Variants in PCDHA13 observed in about 807,000 individuals in gnomAD.
PCDHA13 encodes protocadherin alpha-13.
PCDHA13 carries 54 observed loss-of-function variants against 64.8 expected under a neutral mutation model. The observed-to-expected ratio is 0.83, with a 90% CI of 0.67 to 1.04. The LOEUF (loss-of-function observed/expected upper bound fraction) is 1.04, where lower values mean the gene tolerates loss of function less well. PCDHA13 is among the 50% of genes least tolerant of loss of function. The pLI is 0.00. For missense variants in PCDHA13, 1,248 were observed against 1,254.3 expected (o/e 0.99, Z 0.08); for synonymous variants, 587 against 564.4 (o/e 1.04, Z -0.57).
At chr5:140,914,596 C>G (rs1454753124) in intron 1 of PCDHA13, among the ~76,000 whole-genome samples, 1 of 152,128 alleles carries the variant, frequency 6.6e-6, no homozygotes, top group Non-Finnish European at 1.5e-5. Context: ...TAAGTAGGAA[C>G]TTCCTCCTGC....
At chr5:140,989,105 T>A (rs550881823) in intron 3 of PCDHA13, 1 of 152,350 alleles carries the variant, frequency 6.6e-6, no homozygotes, top group Non-Finnish European at 1.5e-5. Context: ...GAAACAACTT[T>A]TGAATATATC....
At chr5:140,920,616 C>A (rs929240808) in intron 1 of PCDHA13, among the ~76,000 whole-genome samples, 1 of 152,012 alleles carries the variant, frequency 6.6e-6, no homozygotes, top group African/African-American at 2.4e-5. Flanking sequence ...GAGGCCGAGG[C>A]GGATGGATCA....
intron 1 of PCDHA13, among the ~76,000 whole-genome samples, chr5:140,947,550 G>A (rs967081376): frequency 7.3e-5 from 11 of 151,402 alleles, no homozygotes; most frequent in Admixed American, 3.9e-4. Flanking sequence ...AAAGAATTCC[G>A]CTGGGATTTA....
intron 3 of PCDHA13, 60 bp from the exon 4 acceptor site, chr5:141,009,567 A>T: frequency 6.3e-7 from 1 of 1,575,430 alleles, no homozygotes; most frequent in Admixed American, 1.8e-5. Flanking sequence ...CTCTACCAGC[A>T]GTGTGGCATC....
intron 1 of PCDHA13, among the ~76,000 whole-genome samples, chr5:140,941,907 CT>C (rs1379926904): frequency 7.2e-5 from 11 of 152,106 alleles, no homozygotes; most frequent in African/African-American, 2.7e-4. Context: ...CATTGAAATG[CT>C]TTTATGTATA....
rs1554263423 is a variant in PCDHA13 at position 141,011,323 on chromosome 5, C to T, written c.*1386C>T. 1 of 153,686 alleles carries T rather than the reference C, an allele frequency of 6.5e-6. No individual in the cohort carries two copies. The highest frequency in any genetic ancestry group is 1.5e-5 in the Non-Finnish European group (1 of 68,036). The allele number at this position is 153,686 out of a possible 1,614,324, so 9.5% of individuals were successfully genotyped here. A position where few individuals can be genotyped will look rare whatever the true frequency, so the allele number is the denominator to read the frequency against. ...TCTGAATTGCTAATCTTACTAACACCTATGATGTTACCTGAAATCAATCTC... is the reference window on the plus strand; with the variant it reads ...TCTGAATTGCTAATCTTACTAACACTTATGATGTTACCTGAAATCAATCTC... On this transcript the variant is annotated 3_prime_UTR_variant, in exon 4 of 4. Transcript: ENST00000289272.
intron 1 of PCDHA13, chr5:140,966,973 G>C (rs782189736): frequency 6.2e-7 from 1 of 1,602,934 alleles, no homozygotes; most frequent in Non-Finnish European, 8.5e-7. Context: ...GGCTTGAGCT[G>C]CGGCGCTTGG....
intron 1 of PCDHA13, among the ~76,000 whole-genome samples, chr5:140,948,862 C>T (rs1419321480): frequency 6.6e-6 from 1 of 151,398 alleles, no homozygotes; most frequent in Admixed American, 6.6e-5. Context: ...TCTTATATTA[C>T]TTCGGGTTTA....
intron 1 of PCDHA13, among the ~76,000 whole-genome samples, chr5:140,919,139 C>T (rs1294020429): frequency 6.6e-6 from 1 of 152,120 alleles, no homozygotes; most frequent in Non-Finnish European, 1.5e-5. Context: ...TTTTGGGGCT[C>T]TATTATTAGA....
intron 1 of PCDHA13, among the ~76,000 whole-genome samples, chr5:140,938,890 C>T (rs979482011): frequency 5.9e-5 from 9 of 152,080 alleles, no homozygotes; most frequent in Non-Finnish European, 8.8e-5. Flanking sequence ...CACACACACA[C>T]AGATGCGCAC....
At chr5:140,968,236 T>C in intron 1 of PCDHA13, 1 of 1,614,006 alleles carries the variant, frequency 6.2e-7, no homozygotes, top group East Asian at 2.2e-5. Flanking sequence ...TGCTCTGTAC[T>C]GTGCAAGCCA....
intron 3 of PCDHA13, among the ~76,000 whole-genome samples, chr5:141,003,622 A>G (rs1554259173): frequency 6.6e-6 from 1 of 152,196 alleles, no homozygotes; most frequent in Non-Finnish European, 1.5e-5. Context: ...CCCAGAGGGC[A>G]GTTTTTAAAG....
At chr5:140,922,254 T>G (rs2080741873) in intron 1 of PCDHA13, among the ~76,000 whole-genome samples, 1 of 152,228 alleles carries the variant, frequency 6.6e-6, no homozygotes, top group East Asian at 1.9e-4. Context: ...GATAAGTTAC[T>G]AAGTGCCATG....
intron 1 of PCDHA13, among the ~76,000 whole-genome samples, chr5:140,959,063 A>G (rs190067147): frequency 2.0e-5 from 3 of 152,292 alleles, no homozygotes; most frequent in Admixed American, 2.0e-4. Flanking sequence ...TGCAGTATAT[A>G]TAGAATTCAG....
intron 1 of PCDHA13, among the ~76,000 whole-genome samples, chr5:140,898,545 C>CCG (rs2153461002): frequency 1.3e-5 from 2 of 152,322 alleles, no homozygotes; most frequent in East Asian, 3.9e-4. Context: ...TTCCATTTAT[C>CCG]TATGTCTCTG....
chr5:140,945,709 G>T (rs1033770128), intron 1 of PCDHA13, among the ~76,000 whole-genome samples: 1 of 151,930 alleles, frequency 6.6e-6, no homozygotes. Flanking sequence ...TGCAACAAAA[G>T]TATCAAGAAT....
At chr5:141,008,712 T>G (rs1554261909) in intron 3 of PCDHA13, among the ~76,000 whole-genome samples, 1 of 152,210 alleles carries the variant, frequency 6.6e-6, no homozygotes, top group Non-Finnish European at 1.5e-5. Flanking sequence ...TCTAGTTGCT[T>G]GAGTGTATGT....
intron 1 of PCDHA13, among the ~76,000 whole-genome samples, chr5:140,931,298 AAG>A (rs2087432571): frequency 6.6e-6 from 1 of 152,144 alleles, no homozygotes; most frequent in African/African-American, 2.4e-5. Context: ...CTGTAACAAA[AAG>A]AGAGGAGAAT....
intron 1 of PCDHA13, among the ~76,000 whole-genome samples, chr5:140,976,407 C>T (rs781867787): frequency 1.1e-4 from 17 of 151,868 alleles, no homozygotes; most frequent in Non-Finnish European, 2.1e-4. Flanking sequence ...AAAAATTAGC[C>T]AGGTACGGTG....
Sources: allele counts gnomAD v4.1 joint callset (sites outside exome capture counted in the v4.1 genomes callset), GRCh38; gene constraint gnomAD v4.1.1; transcripts MANE v1.5; gene names NCBI Gene and HGNC (gene_info 2026-07-23, HGNC 2026-07-21).